XKR9: variants seen among roughly 807,000 people sequenced by gnomAD.
XKR9 encodes the protein XK-related protein 9.
A neutral mutation model predicts 32.0 loss-of-function variants in XKR9; 32 were observed. That is an observed-to-expected ratio of 1.00 (90% CI 0.76 to 1.34). XKR9 has a LOEUF of 1.34. Among genes scored for constraint, XKR9 ranks in the 40% most tolerant of loss-of-function variants. The probability of loss-of-function intolerance (pLI) is 0.00; values close to 1 mark genes in which losing one functional copy is unlikely to be tolerated. For synonymous variants in XKR9, 168 were observed against 143.4 expected (o/e 1.17, Z -1.22); for missense variants, 546 against 429.7 (o/e 1.27, Z -2.39).
the XKR9 span, among the ~76,000 whole-genome samples, chr8:70,914,200 G>C: frequency 6.6e-6 from 1 of 152,110 alleles, no homozygotes; most frequent in African/African-American, 2.4e-5. Context: ...AACGTGTTGG[G>C]ATTATAGGCA....
the XKR9 span, among the ~76,000 whole-genome samples, chr8:71,036,869 C>T: frequency 2.6e-4 from 26 of 100,104 alleles, no homozygotes; most frequent in East Asian, 0.015. Flanking sequence ...TGAGATTGCA[C>T]CTTTTTTTTT....
At chr8:70,829,629 T>C in the XKR9 span, among the ~76,000 whole-genome samples, 11 of 152,300 alleles carry the variant, frequency 7.2e-5, no homozygotes, top group East Asian at 1.5e-3. Flanking sequence ...TTTGTATTTT[T>C]AGTAGAGACG....
At chr8:70,938,039 G>C in the XKR9 span, among the ~76,000 whole-genome samples, 1 of 152,048 alleles carries the variant, frequency 6.6e-6, no homozygotes, top group Non-Finnish European at 1.5e-5. Context: ...TGGGACAAGA[G>C]TAGAAAACAA....
At chr8:71,051,713 A>G in the XKR9 span, among the ~76,000 whole-genome samples, 2 of 152,266 alleles carry the variant, frequency 1.3e-5, no homozygotes, top group Admixed American at 1.3e-4. Context: ...TACTTTATCC[A>G]AAACATTATG....
chr8:70,843,712 A>G, the XKR9 span, among the ~76,000 whole-genome samples: 1 of 152,160 alleles, frequency 6.6e-6, no homozygotes, highest in African/African-American at 2.4e-5. Flanking sequence ...GACTCTTACA[A>G]TCTTACCCAT....
chr8:70,738,186 G>T (rs1806898367), downstream of XKR9, among the ~76,000 whole-genome samples: 2 of 134,956 alleles, frequency 1.5e-5, no homozygotes, highest in Non-Finnish European at 3.4e-5. Flanking sequence ...CTTCTTCCTG[G>T]GTTAGTGTTG....
At position 70,681,381 on chromosome 8, in the gene XKR9, A is replaced by C. The variant is rs778845556; in HGVS notation, c.272+51A>C. The C allele has an allele frequency of 5.1e-6, 8 of 1,556,060 alleles. No homozygotes were observed. In the African/African-American group the frequency reaches 1.1e-4, roughly 21 times the overall value. ...CACTGTTTTTCTTTTTCCAAACAGA[A>C]GCTACCATTTTGTATCTTATCTGGG... On this transcript the variant is annotated intron_variant, in intron 3 of 4. Coordinates refer to ENST00000408926, the MANE Select transcript of XKR9 (RefSeq NM_001011720.2).
the XKR9 span, among the ~76,000 whole-genome samples, chr8:70,918,688 G>C: frequency 6.7e-6 from 1 of 149,720 alleles, no homozygotes; most frequent in Admixed American, 6.6e-5. Context: ...GCAAGACTCT[G>C]TCTCAGAAAA....
At chr8:70,991,254 T>C in the XKR9 span, among the ~76,000 whole-genome samples, 1 of 152,138 alleles carries the variant, frequency 6.6e-6, no homozygotes, top group Admixed American at 6.5e-5. Flanking sequence ...TAAAGCAGCA[T>C]GAAACGGAGG....
At chr8:70,699,654 A>G (rs1805440531) in intron 3 of XKR9, among the ~76,000 whole-genome samples, 1 of 152,010 alleles carries the variant, frequency 6.6e-6, no homozygotes, top group South Asian at 2.1e-4. Flanking sequence ...TCTGACAATT[A>G]CGTGTCTTGG....
At chr8:71,013,446 A>G in the XKR9 span, among the ~76,000 whole-genome samples, 9 of 152,190 alleles carry the variant, frequency 5.9e-5, no homozygotes, top group South Asian at 2.1e-4. Flanking sequence ...TGGAGTTCTC[A>G]TACAGCCCCA....
chr8:70,743,051 G>A (rs1461027057), intron 2 of XKR9, among the ~76,000 whole-genome samples: 1 of 151,886 alleles, frequency 6.6e-6, no homozygotes, highest in African/African-American at 2.4e-5. Flanking sequence ...AAATGTGTTA[G>A]ACCTATTGAT....
chr8:70,853,423 T>A, the XKR9 span, among the ~76,000 whole-genome samples: 1 of 152,020 alleles, frequency 6.6e-6, no homozygotes, highest in Non-Finnish European at 1.5e-5. Flanking sequence ...TCTATAAACC[T>A]GTACATCTAC....
chr8:70,828,987 A>G, the XKR9 span, among the ~76,000 whole-genome samples: 19 of 152,222 alleles, frequency 1.2e-4, no homozygotes, highest in Non-Finnish European at 2.5e-4. Context: ...AAGAAATTCA[A>G]TGTTTTTCTC....
intron 4 of XKR9, among the ~76,000 whole-genome samples, chr8:70,726,825 A>AAAGCCC (rs1227272438): frequency 3.3e-5 from 5 of 152,196 alleles, no homozygotes; most frequent in African/African-American, 9.7e-5. Flanking sequence ...TTAGCAGAAA[A>AAAGCCC]AAGCCCAAGG....
chr8:70,970,861 G>A, the XKR9 span, among the ~76,000 whole-genome samples: 5 of 152,144 alleles, frequency 3.3e-5, no homozygotes, highest in African/African-American at 7.2e-5. Context: ...TGGTAGGAGC[G>A]TAAATTAGTT....
intron 4 of XKR9, among the ~76,000 whole-genome samples, chr8:70,727,327 G>A (rs1563452528): frequency 7.0e-6 from 1 of 143,092 alleles, no homozygotes; most frequent in Non-Finnish European, 1.5e-5. Context: ...AAGAAGACAA[G>A]TTTTTTTTTT....
chr8:70,804,879 AG>A, the XKR9 span, among the ~76,000 whole-genome samples: 5 of 152,194 alleles, frequency 3.3e-5, no homozygotes, highest in Admixed American at 3.3e-4. Context: ...TTTATATAAA[AG>A]AAAAAGAGCA....
At chr8:70,871,892 G>A in the XKR9 span, among the ~76,000 whole-genome samples, 3 of 152,204 alleles carry the variant, frequency 2.0e-5, no homozygotes, top group Admixed American at 6.5e-5. Context: ...GAAAGTTCTA[G>A]TTCCATATTC....
Sources: gnomAD v4.1 joint callset for allele counts (sites outside exome capture counted in the v4.1 genomes callset) on GRCh38, gnomAD v4.1.1 for gene constraint, MANE v1.5 for transcripts, NCBI Gene and HGNC (gene_info 2026-07-23, HGNC 2026-07-21) for gene names.